The following PARN variants were observed in gnomAD, a reference collection of about 807,000 sequenced individuals.
The protein encoded by PARN is poly(A)-specific ribonuclease.
Under a neutral mutation model 102.8 loss-of-function variants are expected in PARN, and 71 were observed. The ratio of observed to expected loss-of-function variants is 0.69; its 90% CI spans 0.57 to 0.84. PARN has a LOEUF of 0.84. PARN is among the 40% of genes least tolerant of loss of function. The probability of loss-of-function intolerance (pLI) is 0.00; values close to 1 mark genes in which losing one functional copy is unlikely to be tolerated. For synonymous variants in PARN, 261 were observed against 252.9 expected, an observed-to-expected ratio of 1.03 and a Z score of -0.30; for missense variants, 782 against 760.9, an observed-to-expected ratio of 1.03 and a Z score of -0.33.
chr16:14,563,776 T>C (rs994992254), intron 18 of PARN, among the ~76,000 whole-genome samples: 3 of 151,680 alleles, frequency 2.0e-5, no homozygotes, highest in East Asian at 3.9e-4. Context: ...TGATCTCAAT[T>C]AGTAAATGAA....
At chr16:14,459,767 A>C (rs1220842695) in intron 22 of PARN, among the ~76,000 whole-genome samples, 1 of 152,252 alleles carries the variant, frequency 6.6e-6, no homozygotes, top group African/African-American at 2.4e-5. Context: ...AAGCTACAGT[A>C]ATCAAGACAG....
chr16:14,608,946 A>G (rs1285398362), intron 8 of PARN, 112 bp downstream of exon 8: 4 of 646,410 alleles, frequency 6.2e-6, no homozygotes, highest in Non-Finnish European at 8.3e-6. Flanking sequence ...GAACATAGCA[A>G]TAATAAAAAG....
intron 12 of PARN, among the ~76,000 whole-genome samples, chr16:14,598,296 G>C (rs1023226568): frequency 6.6e-6 from 1 of 151,940 alleles, no homozygotes; most frequent in Admixed American, 6.6e-5. Flanking sequence ...GACTACCAAC[G>C]GTCAGCAACA....
intron 22 of PARN, among the ~76,000 whole-genome samples, chr16:14,482,391 CAAAA>C (rs540805562): frequency 1.5e-5 from 2 of 132,040 alleles, no homozygotes; most frequent in East Asian, 4.3e-4. Flanking sequence ...GACCCTGTCT[CAAAA>C]AAAAAAAAAA....
intron 10 of PARN, among the ~76,000 whole-genome samples, chr16:14,605,538 T>C (rs759891580): frequency 6.6e-6 from 1 of 152,248 alleles, no homozygotes; most frequent in Non-Finnish European, 1.5e-5. Flanking sequence ...ATATATGTTG[T>C]ATTACCATAA....
chr16:14,511,410 T>C (rs1965182993), intron 21 of PARN, among the ~76,000 whole-genome samples: 1 of 151,820 alleles, frequency 6.6e-6, no homozygotes. Context: ...TTCCCACTGC[T>C]GAGAAACCCC....
At chr16:14,458,722 G>C (rs1466134429) in intron 22 of PARN, among the ~76,000 whole-genome samples, 1 of 152,192 alleles carries the variant, frequency 6.6e-6, no homozygotes, top group Non-Finnish European at 1.5e-5. Context: ...ATGAGGACTG[G>C]AGCCATGTCA....
chr16:14,452,040 A>G (rs1159167721), intron 22 of PARN, among the ~76,000 whole-genome samples: 2 of 152,022 alleles, frequency 1.3e-5, no homozygotes, highest in Non-Finnish European at 2.9e-5. Context: ...TGACAGAGTG[A>G]GACCCTGTCT....
At chr16:14,501,291 A>G (rs1364845467) in intron 21 of PARN, among the ~76,000 whole-genome samples, 1 of 131,202 alleles carries the variant, frequency 7.6e-6, no homozygotes, top group Non-Finnish European at 1.6e-5. Context: ...ACAAACAAAA[A>G]AACAATAATA....
At chr16:14,439,217 T>C (rs1189213371) in intron 23 of PARN, among the ~76,000 whole-genome samples, 1 of 151,800 alleles carries the variant, frequency 6.6e-6, no homozygotes, top group Non-Finnish European at 1.5e-5. Context: ...ACAAAAAATT[T>C]ACAAATTTGC....
chr16:14,571,878 T>C (rs1200726278), intron 18 of PARN, among the ~76,000 whole-genome samples: 4 of 152,220 alleles, frequency 2.6e-5, no homozygotes, highest in Admixed American at 2.6e-4. Flanking sequence ...TCAACTGTAC[T>C]ATACTACGCT....
At chr16:14,492,556 T>C (rs1241646358) in intron 21 of PARN, among the ~76,000 whole-genome samples, 2 of 152,130 alleles carry the variant, frequency 1.3e-5, no homozygotes, top group African/African-American at 2.4e-5. Flanking sequence ...GAGTGTGATC[T>C]TGGTTCTGTT....
chr16:14,539,259 G>GT (rs1224953490), intron 21 of PARN, among the ~76,000 whole-genome samples: 2 of 152,286 alleles, frequency 1.3e-5, no homozygotes, highest in East Asian at 3.9e-4. Flanking sequence ...AAGAAACAAT[G>GT]TAACAGAATA....
chr16:14,548,335 T>A (rs1967089488), intron 21 of PARN, among the ~76,000 whole-genome samples: 1 of 152,020 alleles, frequency 6.6e-6, no homozygotes, highest in African/African-American at 2.4e-5. Context: ...AAAGAACAAA[T>A]TTCACACCGT....
chr16:14,530,544 T>TA (rs34950119), intron 21 of PARN, among the ~76,000 whole-genome samples: 43,960 of 146,310 alleles, frequency 0.3, 6,893 homozygotes, highest in African/African-American at 0.42. Flanking sequence ...AAGGTTACAT[T>TA]AAAAAAAAAA....
At chr16:14,485,763 T>C (rs958333750) in intron 21 of PARN, among the ~76,000 whole-genome samples, 5 of 152,162 alleles carry the variant, frequency 3.3e-5, no homozygotes, top group South Asian at 2.1e-4. Context: ...TCTAGGCTCA[T>C]TGCAACCTCC....
chr16:14,554,911 C>T (rs953814251), intron 19 of PARN, among the ~76,000 whole-genome samples: 3 of 152,166 alleles, frequency 2.0e-5, no homozygotes, highest in African/African-American at 7.2e-5. Flanking sequence ...ATCTTGCTTT[C>T]TAATCCCAAA....
chr16:14,467,895 GT>G (rs1962460790), intron 22 of PARN, among the ~76,000 whole-genome samples: 1 of 152,216 alleles, frequency 6.6e-6, no homozygotes, highest in South Asian at 2.1e-4. Flanking sequence ...GGGAAGACAT[GT>G]TCCAAGTGTG....
chr16:14,463,623 T>C (rs1440612514), intron 22 of PARN, among the ~76,000 whole-genome samples: 1 of 151,956 alleles, frequency 6.6e-6, no homozygotes, highest in Non-Finnish European at 1.5e-5. Context: ...AAAATTACAA[T>C]GTCTGAGATA....
Sources: gnomAD v4.1 joint callset for allele counts (sites outside exome capture counted in the v4.1 genomes callset) on GRCh38, gnomAD v4.1.1 for gene constraint, MANE v1.5 for transcripts, NCBI Gene and HGNC (gene_info 2026-07-23, HGNC 2026-07-21) for gene names.